The following SMYD3 variants were observed in gnomAD, a reference collection of about 807,000 sequenced individuals.
The protein encoded by SMYD3 is histone-lysine N-methyltransferase SMYD3.
SMYD3 carries 36 observed loss-of-function variants against 57.7 expected under a neutral mutation model. The observed-to-expected ratio is 0.62, with a 90% confidence interval of 0.48 to 0.82. The LOEUF (loss-of-function observed/expected upper bound fraction) is 0.82, where lower values mean the gene tolerates loss of function less well. Among genes scored for constraint, SMYD3 ranks in the 40% least tolerant of loss-of-function variants. SMYD3 has a pLI of 0.00. For synonymous variants in SMYD3, 211 were observed against 195.0 expected (o/e 1.08, Z -0.68); for missense variants, 515 against 538.8 (o/e 0.96, Z 0.44).
At chr1:245,931,291 T>TA (rs1404906861) in intron 5 of SMYD3, among the ~76,000 whole-genome samples, 4 of 152,276 alleles carry the variant, frequency 2.6e-5, no homozygotes, top group African/African-American at 9.6e-5. Flanking sequence ...GCCCAGGTGA[T>TA]AGACAATGGT....
At chr1:246,472,997 C>T (rs893763705) in intron 1 of SMYD3, among the ~76,000 whole-genome samples, 2 of 151,570 alleles carry the variant, frequency 1.3e-5, no homozygotes, top group Non-Finnish European at 2.9e-5. Flanking sequence ...GCTGGGATTA[C>T]AGGCACATGC....
intron 8 of SMYD3, among the ~76,000 whole-genome samples, chr1:245,883,520 C>T (rs186738249): frequency 1.3e-3 from 191 of 152,162 alleles, no homozygotes; most frequent in Admixed American, 3.7e-3. Flanking sequence ...GGAAAAAAAC[C>T]CCAAAACATC....
chr1:245,899,812 A>C (rs897056923), intron 8 of SMYD3, among the ~76,000 whole-genome samples: 2 of 152,194 alleles, frequency 1.3e-5, no homozygotes, highest in African/African-American at 4.8e-5. Context: ...GAGTGGAACC[A>C]AAAGGCTGCA....
chr1:246,270,908 T>C (rs1439269523), intron 5 of SMYD3, among the ~76,000 whole-genome samples: 25 of 152,212 alleles, frequency 1.6e-4, no homozygotes, highest in Admixed American at 1.6e-3. Context: ...TTTGCCACAG[T>C]GGCTATACAG....
chr1:245,932,245 T>C (rs1410963312), intron 5 of SMYD3, among the ~76,000 whole-genome samples: 3 of 152,206 alleles, frequency 2.0e-5, no homozygotes, highest in Admixed American at 2.0e-4. Context: ...TTAACGGTTT[T>C]TTCAAAATAG....
chr1:246,445,206 A>G lies in SMYD3; in HGVS notation c.164+61848T>C, dbSNP rs2067534180. Among the ~76,000 whole-genome samples, 3 of 152,238 alleles carry G rather than the reference A, an allele frequency of 2.0e-5. No homozygotes were observed. In the South Asian group the frequency reaches 6.2e-4, roughly 31 times the overall value. ...AGGAGGGAGAGTTTTACTTAATAAA[A>G]TATGTCCACCAAACAATCTAATTGC... is the stretch of plus-strand genomic sequence containing the variant. On this transcript the variant is annotated intron_variant, in intron 1 of 11. Transcript: ENST00000490107.
chr1:246,330,554 GA>G lies in SMYD3; in HGVS notation c.337-18del. ...TCCATCCATCTGTGAAGGAAAAGGG[GA>G]AAACGCCAATAACAATTTCAAGTGT... On this transcript the variant is annotated intron_variant, in intron 3 of 11. Transcript: ENST00000490107. 6.3e-7 allele frequency: 1 copy of G among 1,578,936 alleles called. No individual in the cohort carries two copies. Among genetic ancestry groups the G allele is most frequent in the Non-Finnish European group, 8.6e-7 (1 of 1,166,652 alleles).
Position 246,160,624 on chromosome 1 carries a change from TAGG to T in SMYD3, c.531+166574_531+166576del, listed in dbSNP as rs2062101329. On this transcript the variant is annotated intron_variant, in intron 5 of 11. Transcript: ENST00000490107. The stretch of plus-strand genomic sequence containing the variant: ...CGAGGAATCAGAGAATCAAGAGGTC[TAGG>T]AGAAGTGAGAAAGGCAGGGAGCTAT... Among the ~76,000 whole-genome samples, 4 of 152,314 alleles carry T rather than the reference TAGG, an allele frequency of 2.6e-5. No homozygotes were observed. The South Asian group carries it at 8.3e-4, about 32-fold the overall frequency.
At chr1:245,760,858 T>A (rs1170118613) in intron 11 of SMYD3, among the ~76,000 whole-genome samples, 1 of 152,192 alleles carries the variant, frequency 6.6e-6, no homozygotes, top group Non-Finnish European at 1.5e-5. Context: ...AGAGTTCCTG[T>A]AACAATACCC....
At chr1:246,210,902 T>G (rs1014154060) in intron 5 of SMYD3, among the ~76,000 whole-genome samples, 3 of 152,054 alleles carry the variant, frequency 2.0e-5, no homozygotes, top group African/African-American at 7.3e-5. Context: ...CGCAGAAACA[T>G]GAGTGCTGCA....
chr1:246,466,631 G>A (rs137955180), intron 1 of SMYD3, among the ~76,000 whole-genome samples: 65 of 152,244 alleles, frequency 4.3e-4, no homozygotes, highest in Non-Finnish European at 7.6e-4. Context: ...CACATCACAT[G>A]AGTTTACCTA....
chr1:246,195,660 C>A (rs76441808), intron 5 of SMYD3, among the ~76,000 whole-genome samples: 5,218 of 152,232 alleles, frequency 0.034, 266 homozygotes, highest in African/African-American at 0.12. Flanking sequence ...TAACCATTCA[C>A]CTTTCTTCTA....
intron 10 of SMYD3, among the ~76,000 whole-genome samples, chr1:245,817,088 G>A (rs540518957): frequency 5.9e-5 from 9 of 151,550 alleles, no homozygotes; most frequent in Middle Eastern, 3.4e-3. Flanking sequence ...TCCACCTCTG[G>A]GGGCAGGGCA....
intron 10 of SMYD3, among the ~76,000 whole-genome samples, chr1:245,767,211 A>C (rs1246984791): frequency 6.6e-6 from 1 of 150,412 alleles, no homozygotes; most frequent in African/African-American, 2.4e-5. Flanking sequence ...GGATTGTCAA[A>C]AATAAAGACC....
chr1:246,059,360 AGATGACTTT>A (rs2060210822), intron 5 of SMYD3, among the ~76,000 whole-genome samples: 1 of 152,224 alleles, frequency 6.6e-6, no homozygotes, highest in Non-Finnish European at 1.5e-5. Context: ...AATCAAATTA[AGATGACTTT>A]AAGTATTCTA....
chr1:246,065,825 C>G (rs1410440124), intron 5 of SMYD3, among the ~76,000 whole-genome samples: 1 of 152,144 alleles, frequency 6.6e-6, no homozygotes, highest in South Asian at 2.1e-4. Context: ...TCAATAGATT[C>G]CACCTAAGAA....
At chr1:246,326,539 C>A (rs530615094) in intron 5 of SMYD3, 1 of 491,146 alleles carries the variant, frequency 2.0e-6, no homozygotes, top group Non-Finnish European at 3.5e-6. Context: ...TTTGGGAGGC[C>A]GAGGCGGGTG....
chr1:246,426,850 G>A (rs2067226409), intron 1 of SMYD3, among the ~76,000 whole-genome samples: 1 of 152,004 alleles, frequency 6.6e-6, no homozygotes, highest in African/African-American at 2.4e-5. Context: ...GCCATTATTT[G>A]TTCATCTACA....
chr1:245,907,468 T>TA (rs2054648836), intron 8 of SMYD3, among the ~76,000 whole-genome samples: 3 of 152,140 alleles, frequency 2.0e-5, no homozygotes, highest in Admixed American at 2.0e-4. Flanking sequence ...AAAAAATTCT[T>TA]AGGAGAGTCC....
Sources: gnomAD v4.1 joint callset for allele counts (sites outside exome capture counted in the v4.1 genomes callset) on GRCh38, gnomAD v4.1.1 for gene constraint, MANE v1.5 for transcripts, NCBI Gene and HGNC (gene_info 2026-07-23, HGNC 2026-07-21) for gene names.